RBFOX1: variants seen among roughly 807,000 people sequenced by gnomAD.
RBFOX1 encodes the protein RNA binding fox-1 homolog 1, also known as RNA binding protein fox-1 homolog 1.
RBFOX1 carries 8 observed loss-of-function variants against 57.7 expected under a neutral mutation model. That is an observed-to-expected ratio of 0.14 (90% CI 0.08 to 0.25). RBFOX1 has a LOEUF of 0.25. Among genes scored for constraint, RBFOX1 ranks in the 10% least tolerant of loss-of-function variants. The probability of loss-of-function intolerance (pLI) is 1.00; values close to 1 mark genes in which losing one functional copy is unlikely to be tolerated. For synonymous variants in RBFOX1, 326 were observed against 222.4 expected, an observed-to-expected ratio of 1.47 and a Z score of -4.15; for missense variants, 611 against 548.5, an observed-to-expected ratio of 1.11 and a Z score of -1.14.
At chr16:6,396,543 C>A (rs935782343) in intron 2 of RBFOX1, among the ~76,000 whole-genome samples, 1 of 152,128 alleles carries the variant, frequency 6.6e-6, no homozygotes, top group East Asian at 1.9e-4. Context: ...CCGTGGGAAG[C>A]CATAGCTGGA....
intron 2 of RBFOX1, among the ~76,000 whole-genome samples, chr16:6,353,992 G>A (rs1489248902): frequency 6.6e-6 from 1 of 152,094 alleles, no homozygotes; most frequent in African/African-American, 2.4e-5. Flanking sequence ...CGCCAAGGCC[G>A]GTGGATCACC....
chr16:6,478,429 ATTTT>A (rs58352204), intron 2 of RBFOX1, among the ~76,000 whole-genome samples: 132 of 24,554 alleles, frequency 5.4e-3, no homozygotes, highest in African/African-American at 0.016. Flanking sequence ...ATATATATAT[ATTTT>A]TTTTTTTTTT....
intron 1 of RBFOX1, among the ~76,000 whole-genome samples, chr16:6,252,586 C>G (rs753720908): frequency 4.0e-5 from 6 of 150,724 alleles, no homozygotes; most frequent in Admixed American, 1.3e-4. Context: ...TGCTGTTGAT[C>G]TGCTTTCGTT....
chr16:7,090,529 C>G (rs1289577533), intron 4 of RBFOX1, among the ~76,000 whole-genome samples: 1 of 152,194 alleles, frequency 6.6e-6, no homozygotes, highest in Non-Finnish European at 1.5e-5. Context: ...TAAATAGTTA[C>G]AGATGCTTAA....
At chr16:5,242,625 C>A (rs1226409993) in intron 1 of RBFOX1, among the ~76,000 whole-genome samples, 1 of 152,134 alleles carries the variant, frequency 6.6e-6, no homozygotes, top group East Asian at 1.9e-4. Context: ...GAACAGAGTG[C>A]CCTTTTATGA....
chr16:7,600,777 C>G (rs887721113), intron 9 of RBFOX1, among the ~76,000 whole-genome samples: 2 of 152,126 alleles, frequency 1.3e-5, no homozygotes, highest in African/African-American at 2.4e-5. Context: ...AGACTGAATT[C>G]TAAATGTGAT....
At chr16:5,298,481 CCCTCCCCTCG>C (rs1286012994) in intron 1 of RBFOX1, among the ~76,000 whole-genome samples, 2 of 61,808 alleles carry the variant, frequency 3.2e-5, no homozygotes, top group African/African-American at 1.5e-4. Flanking sequence ...CCTTCCCCTC[CCCTCCCCTCG>C]CCTCCCCTAA....
chr16:6,224,564 G>A (rs1011951131), intron 1 of RBFOX1, among the ~76,000 whole-genome samples: 6 of 152,112 alleles, frequency 3.9e-5, no homozygotes, highest in Non-Finnish European at 7.3e-5. Context: ...ACTGCAGTTG[G>A]TGTTGCTTGT....
intron 3 of RBFOX1, among the ~76,000 whole-genome samples, chr16:5,824,397 A>G (rs1014198709): frequency 1.3e-5 from 2 of 152,182 alleles, no homozygotes; most frequent in African/African-American, 4.8e-5. Flanking sequence ...CAAGTGCCAG[A>G]CAGTGTCCCA....
chr16:7,048,236 T>A (rs982275514), intron 3 of RBFOX1, among the ~76,000 whole-genome samples: 1 of 151,608 alleles, frequency 6.6e-6, no homozygotes, highest in Non-Finnish European at 1.5e-5. Flanking sequence ...TTGTAAAATT[T>A]CCTTTTGATT....
At chr16:5,763,390 A>T (rs1202227889) in intron 3 of RBFOX1, among the ~76,000 whole-genome samples, 1 of 152,066 alleles carries the variant, frequency 6.6e-6, no homozygotes, top group African/African-American at 2.4e-5. Flanking sequence ...AGCGATGCAA[A>T]CGTGTGTCCT....
intron 3 of RBFOX1, among the ~76,000 whole-genome samples, chr16:5,679,245 C>T (rs914144077): frequency 2.3e-4 from 35 of 152,122 alleles, no homozygotes; most frequent in Non-Finnish European, 4.3e-4. Flanking sequence ...TCATCTGAAC[C>T]TCATGCTTCT....
At chr16:7,220,757 A>G (rs116221341) in intron 4 of RBFOX1, among the ~76,000 whole-genome samples, 6 of 152,110 alleles carry the variant, frequency 3.9e-5, no homozygotes, top group African/African-American at 1.4e-4. Flanking sequence ...TTCCAGGCCC[A>G]CATCTGACCT....
downstream of RBFOX1, among the ~76,000 whole-genome samples, chr16:5,604,879 G>C (rs1406231743): frequency 6.6e-6 from 1 of 152,102 alleles, no homozygotes; most frequent in Admixed American, 6.5e-5. Context: ...TCCTGCCCAT[G>C]TCACCTCTGT....
At chr16:6,669,110 A>G (rs1377372282) in intron 3 of RBFOX1, among the ~76,000 whole-genome samples, 2 of 152,138 alleles carry the variant, frequency 1.3e-5, no homozygotes, top group African/African-American at 4.8e-5. Context: ...GCACTTTTGC[A>G]TGGTTCAGCT....
chr16:5,384,022 G>T (rs1255815269), intron 1 of RBFOX1, among the ~76,000 whole-genome samples: 2 of 152,172 alleles, frequency 1.3e-5, no homozygotes, highest in African/African-American at 4.8e-5. Flanking sequence ...GGTACCAGTG[G>T]CATCAGGCGC....
chr16:5,539,672 T>G (rs1182030844), intron 2 of RBFOX1, among the ~76,000 whole-genome samples: 1 of 152,130 alleles, frequency 6.6e-6, no homozygotes, highest in Admixed American at 6.5e-5. Flanking sequence ...GAATAGTTAA[T>G]TTGTAAATGT....
intron 1 of RBFOX1, among the ~76,000 whole-genome samples, chr16:6,287,043 T>A (rs568770115): frequency 1.3e-5 from 2 of 152,214 alleles, no homozygotes; most frequent in African/African-American, 4.8e-5. Flanking sequence ...CTACAGATTT[T>A]GAGTTGGGCT....
chr16:5,916,045 G>C (rs1244524698), intron 4 of RBFOX1, among the ~76,000 whole-genome samples: 1 of 152,142 alleles, frequency 6.6e-6, no homozygotes, highest in South Asian at 2.1e-4. Flanking sequence ...TCCCCTGGTA[G>C]CTATAAGATT....
Sources: gnomAD v4.1 joint callset for allele counts (sites outside exome capture counted in the v4.1 genomes callset) on GRCh38, gnomAD v4.1.1 for gene constraint, MANE v1.5 for transcripts, NCBI Gene and HGNC (gene_info 2026-07-23, HGNC 2026-07-21) for gene names.